The following SPRED1 variants were observed in gnomAD, a reference collection of about 807,000 sequenced individuals.
SPRED1 encodes sprouty related EVH1 domain containing 1.
In SPRED1, 18 loss-of-function variants were observed where a neutral mutation model predicts 52.3. The observed-to-expected ratio is 0.34, with a 90% CI of 0.24 to 0.51. SPRED1 has a LOEUF of 0.51. Among genes scored for constraint, SPRED1 ranks in the 20% least tolerant of loss-of-function variants. The pLI, the probability that SPRED1 is intolerant of heterozygous loss-of-function variation, is 0.97. For synonymous variants in SPRED1, 155 were observed against 179.7 expected (o/e 0.86, Z 1.10); for missense variants, 485 against 551.0 (o/e 0.88, Z 1.20).
In SPRED1 at chr15:38,351,803, A is replaced by G. The variant is rs1888496225; in HGVS notation, c.*139A>G. ...ACACATGGAGGAAGCAGAACTCATC[A>G]GTTCTTGGCGTTTCACGCCATGCCT... is the stretch of plus-strand genomic sequence containing the variant. On this transcript the variant is annotated 3_prime_UTR_variant, in exon 7 of 7. Transcript: ENST00000299084. The G allele has an allele frequency of 9.3e-6, 10 of 1,080,514 alleles. No individual in the cohort carries two copies. The South Asian group carries it at 1.4e-4, about 16-fold the overall frequency. 66.9% of individuals were successfully genotyped at this position (1,080,514 alleles called of 1,614,324 possible). A position where few individuals can be genotyped will look rare whatever the true frequency, so the allele number is the denominator to read the frequency against.
chr15:38,322,139 A>T, intron 2 of SPRED1, 102 bp from the exon 3 acceptor site: 1 of 1,136,300 alleles, frequency 8.8e-7, no homozygotes, highest in South Asian at 1.3e-5. Flanking sequence ...AAAATTATTC[A>T]TTAAAAAGTA....
chr15:38,345,907 C>CAT (rs2141012354), intron 5 of SPRED1, among the ~76,000 whole-genome samples: 1 of 152,260 alleles, frequency 6.6e-6, no homozygotes, highest in South Asian at 2.1e-4. Flanking sequence ...GCCGATAGTG[C>CAT]ATATGTTCAC....
Position 38,357,184 on chromosome 15 carries a change from T to C in SPRED1, c.*5520T>C, listed in dbSNP as rs140245434. 1 of 152,328 alleles carries C rather than the reference T, an allele frequency of 6.6e-6. No individual in the cohort carries two copies. Among genetic ancestry groups the C allele is most frequent in the African/African-American group, 2.4e-5 (1 of 41,576 alleles). The allele number at this position is 152,328 out of a possible 1,614,324, so 9.4% of individuals were successfully genotyped here. On this transcript the variant is annotated 3_prime_UTR_variant, in exon 7 of 7. Coordinates refer to ENST00000299084, the MANE Select transcript of SPRED1 (RefSeq NM_152594.3). ...AATTGAACTGCTCTAAGATTTGCAGTTTTAGTGAGATCTGAAATGATGGTT... is the reference window on the plus strand; with the variant it reads ...AATTGAACTGCTCTAAGATTTGCAGCTTTAGTGAGATCTGAAATGATGGTT...
At chr15:38,311,330 G>T (rs956118448) in intron 2 of SPRED1, among the ~76,000 whole-genome samples, 5 of 152,144 alleles carry the variant, frequency 3.3e-5, no homozygotes. Flanking sequence ...CTAATATTCA[G>T]TTGAGGAATT....
In SPRED1 at chr15:38,325,497, G is replaced by C. The variant is rs796333093; in HGVS notation, c.423+688G>C. 5.9e-5 allele frequency among the ~76,000 whole-genome samples: 9 copies of C among 151,964 alleles called. 1 individual carries two copies. The highest frequency in any genetic ancestry group is 2.2e-4 in the African/African-American group (9 of 41,460). On this transcript the variant is annotated intron_variant, in intron 4 of 6. Coordinates refer to ENST00000299084, the MANE Select transcript of SPRED1 (RefSeq NM_152594.3). ...AAGTGGTTCATAAGATTGTGGGCTG[G>C]GTTGGCAGAATGGGCAGGCACGCTG...
intron 1 of SPRED1, among the ~76,000 whole-genome samples, chr15:38,282,652 T>C (rs1225228652): frequency 6.6e-6 from 1 of 152,206 alleles, no homozygotes; most frequent in East Asian, 1.9e-4. Context: ...TTTGGGGATC[T>C]TGGAAACACT....
chr15:38,254,990 A>G (rs1435529797), intron 1 of SPRED1, among the ~76,000 whole-genome samples: 1 of 152,228 alleles, frequency 6.6e-6, no homozygotes, highest in Non-Finnish European at 1.5e-5. Flanking sequence ...TTACCAGTTT[A>G]ATTTTTTTCT....
chr15:38,299,585 A>G (rs1217849870), intron 2 of SPRED1, 38 bp downstream of exon 2: 11 of 1,570,206 alleles, frequency 7.0e-6, no homozygotes, highest in Non-Finnish European at 9.6e-6. Flanking sequence ...ATTTTAGATA[A>G]TGAATTATCT....
intron 1 of SPRED1, among the ~76,000 whole-genome samples, chr15:38,253,533 C>T (rs1894028121): frequency 6.6e-6 from 1 of 152,058 alleles, no homozygotes; most frequent in Admixed American, 6.5e-5. Context: ...GACCCCTGTC[C>T]CGTCCTTTTT....
At chr15:38,331,244 C>T (rs951437068) in intron 4 of SPRED1, among the ~76,000 whole-genome samples, 7 of 152,104 alleles carry the variant, frequency 4.6e-5, no homozygotes, top group Non-Finnish European at 1.0e-4. Context: ...ACTAAAAGCA[C>T]TGAAAGTGAG....
chr15:38,345,973 C>T (rs1378650660), intron 5 of SPRED1, among the ~76,000 whole-genome samples: 2 of 152,054 alleles, frequency 1.3e-5, no homozygotes, highest in Non-Finnish European at 2.9e-5. Context: ...GTTTATGTTC[C>T]CTTAGTAATG....
chr15:38,341,035 T>G (rs1896020584), intron 5 of SPRED1, among the ~76,000 whole-genome samples: 1 of 142,380 alleles, frequency 7.0e-6, no homozygotes, highest in African/African-American at 2.6e-5. Flanking sequence ...AATTACGGAA[T>G]TAGTTTCTTT....
chr15:38,307,711 C>T (rs528149296), intron 2 of SPRED1, among the ~76,000 whole-genome samples: 1 of 152,234 alleles, frequency 6.6e-6, no homozygotes, highest in South Asian at 2.1e-4. Flanking sequence ...TGCATGTACA[C>T]TCTCTAAATT....
intron 2 of SPRED1, among the ~76,000 whole-genome samples, chr15:38,317,638 G>A (rs946893934): frequency 6.6e-6 from 1 of 151,932 alleles, no homozygotes; most frequent in East Asian, 1.9e-4. Flanking sequence ...TCAGAACTTA[G>A]TGTTCTGATA....
At chr15:38,330,413 AAGC>A (rs1460866510) in intron 4 of SPRED1, among the ~76,000 whole-genome samples, 1 of 152,138 alleles carries the variant, frequency 6.6e-6, no homozygotes, top group East Asian at 1.9e-4. Flanking sequence ...TCTTACCCTT[AAGC>A]TAATCAAACT....
At position 38,272,084 on chromosome 15, in the gene SPRED1, GTTC is replaced by G. The variant is rs529954465; in HGVS notation, c.32+18873_32+18875del. Reference sequence around the variant, plus strand: ...GTGTTGCTGCAAAGGACATGATTTTGTTCTTCTTTGTGGCTGCATAGTATTCCA... The same window carrying G: ...GTGTTGCTGCAAAGGACATGATTTTGTTCTTTGTGGCTGCATAGTATTCCA... On this transcript the variant is annotated intron_variant, in intron 1 of 6. Coordinates refer to ENST00000299084, the MANE Select transcript of SPRED1 (RefSeq NM_152594.3). Among the ~76,000 whole-genome samples, 1,208 of 152,052 alleles carry G rather than the reference GTTC, an allele frequency of 7.9e-3. 15 individuals carry two copies. The highest frequency in any genetic ancestry group is 0.027 in the African/African-American group (1,134 of 41,388).
intron 2 of SPRED1, among the ~76,000 whole-genome samples, chr15:38,302,541 C>G (rs1020284140): frequency 2.6e-5 from 4 of 152,030 alleles, no homozygotes; most frequent in Non-Finnish European, 5.9e-5. Context: ...TGTTGCTTAC[C>G]TATAAAGCAT....
At chr15:38,269,274 T>C (rs1428571424) in intron 1 of SPRED1, among the ~76,000 whole-genome samples, 1 of 150,450 alleles carries the variant, frequency 6.6e-6, no homozygotes, top group Non-Finnish European at 1.5e-5. Flanking sequence ...ACAGTGTCTC[T>C]CACTTTGTTA....
intron 1 of SPRED1, among the ~76,000 whole-genome samples, chr15:38,266,534 C>T (rs1234545240): frequency 2.0e-5 from 3 of 151,968 alleles, no homozygotes; most frequent in Admixed American, 6.6e-5. Flanking sequence ...CCCAGCTACT[C>T]GGGAGTCTGA....
Sources: allele counts gnomAD v4.1 joint callset (sites outside exome capture counted in the v4.1 genomes callset), GRCh38; gene constraint gnomAD v4.1.1; transcripts MANE v1.5; gene names NCBI Gene and HGNC (gene_info 2026-07-23, HGNC 2026-07-21).